KCNMA1: variants seen among roughly 807,000 people sequenced by gnomAD.
The protein encoded by KCNMA1 is potassium calcium-activated channel subfamily M alpha 1, also known as Calcium-activated potassium channel subunit alpha-1.
In KCNMA1, 29 loss-of-function variants were observed where a neutral mutation model predicts 140.0. The ratio of observed to expected loss-of-function variants is 0.21; its 90% CI spans 0.15 to 0.28. The LOEUF is 0.28. Among genes scored for constraint, KCNMA1 ranks in the 10% least tolerant of loss-of-function variants. The pLI is 1.00. For missense variants in KCNMA1, 880 were observed against 1,602.2 expected (o/e 0.55, Z 7.70); for synonymous variants, 612 against 611.9 (o/e 1.00, Z 0.00).
intron 23 of KCNMA1, among the ~76,000 whole-genome samples, chr10:76,938,049 GC>G (rs1423696736): frequency 2.6e-5 from 4 of 152,046 alleles, no homozygotes; most frequent in African/African-American, 9.7e-5. Flanking sequence ...GACAGGCTCA[GC>G]TTTTGGTTCT....
chr10:77,016,451 T>C (rs1326695368), intron 17 of KCNMA1, among the ~76,000 whole-genome samples: 32 of 152,224 alleles, frequency 2.1e-4, no homozygotes, highest in Admixed American at 2.0e-3. Context: ...AAACGACTTA[T>C]ACACATTTGA....
At chr10:76,921,334 T>G (rs116155375) in intron 23 of KCNMA1, among the ~76,000 whole-genome samples, 128 of 152,238 alleles carry the variant, frequency 8.4e-4, no homozygotes, top group African/African-American at 2.9e-3. Context: ...GAGAAACATC[T>G]CATATTACAT....
intron 20 of KCNMA1, among the ~76,000 whole-genome samples, chr10:76,954,696 C>T (rs915302607): frequency 2.0e-5 from 3 of 152,186 alleles, no homozygotes; most frequent in African/African-American, 7.2e-5. Flanking sequence ...CCAACTGCTG[C>T]ATATCTTAGA....
At chr10:77,052,421 T>C (rs1385586034) in intron 14 of KCNMA1, among the ~76,000 whole-genome samples, 1 of 152,126 alleles carries the variant, frequency 6.6e-6, no homozygotes, top group African/African-American at 2.4e-5. Flanking sequence ...CCTGGCTTTC[T>C]GAAAGGAGCC....
intron 9 of KCNMA1, among the ~76,000 whole-genome samples, chr10:77,094,776 T>C (rs919460947): frequency 6.6e-6 from 1 of 152,010 alleles, no homozygotes; most frequent in African/African-American, 2.4e-5. Flanking sequence ...TCAGAGGTAA[T>C]TGCAGCCTTG....
intron 14 of KCNMA1, among the ~76,000 whole-genome samples, chr10:77,051,942 C>A (rs558923193): frequency 5.3e-4 from 80 of 152,296 alleles, no homozygotes; most frequent in African/African-American, 1.9e-3. Context: ...TCTAACCATA[C>A]TAAGAGATGG....
intron 20 of KCNMA1, among the ~76,000 whole-genome samples, chr10:76,955,118 C>A (rs1301855484): frequency 1.3e-5 from 2 of 151,954 alleles, no homozygotes; most frequent in South Asian, 2.1e-4. Flanking sequence ...TACATCGGGT[C>A]ACATTCCATA....
intron 5 of KCNMA1, among the ~76,000 whole-genome samples, chr10:77,167,916 C>T (rs1283231840): frequency 6.6e-6 from 1 of 152,072 alleles, no homozygotes; most frequent in Non-Finnish European, 1.5e-5. Flanking sequence ...CTCCAGGACT[C>T]AAGCGATCCT....
rs2036362008 is a variant in KCNMA1, at chr10:76,885,250, T to C, written c.*2016A>G. The C allele has an allele frequency of 2.0e-6, 1 of 509,418 alleles. No homozygotes were observed. The highest frequency in any genetic ancestry group is 8.7e-5 in the South Asian group (1 of 11,510). The allele number at this position is 509,418 out of a possible 1,614,324, so 31.6% of individuals were successfully genotyped here. A position where few individuals can be genotyped will look rare whatever the true frequency, so the allele number is the denominator to read the frequency against. On this transcript the variant is annotated 3_prime_UTR_variant, in exon 28 of 28. Transcript: ENST00000286628. ...ATATAATTATATAGTTATATATATA[T>C]AATTATATATAGTTTATATAAAGAG...
intron 2 of KCNMA1, among the ~76,000 whole-genome samples, chr10:77,331,951 T>C (rs2086600605): frequency 6.6e-6 from 1 of 152,140 alleles, no homozygotes; most frequent in African/African-American, 2.4e-5. Context: ...TTCCTTTTTG[T>C]CTATAATTAA....
intron 1 of KCNMA1, among the ~76,000 whole-genome samples, chr10:77,457,145 T>G (rs1400025006): frequency 1.3e-5 from 2 of 152,118 alleles, no homozygotes; most frequent in Non-Finnish European, 1.5e-5. Flanking sequence ...AGCCTCTCAC[T>G]TAAAGGCTCT....
chr10:76,878,134 G>A (rs184133168), intron 29 of KCNMA1, among the ~76,000 whole-genome samples: 36 of 152,252 alleles, frequency 2.4e-4, no homozygotes, highest in East Asian at 2.1e-3. Context: ...CACCATGGGC[G>A]GACCTCAGAG....
chr10:77,276,299 G>T lies in KCNMA1; in HGVS notation c.541-25043C>A, dbSNP rs75055100. On this transcript the variant is annotated intron_variant, in intron 2 of 27. Coordinates refer to ENST00000286628, the MANE Select transcript of KCNMA1 (RefSeq NM_001161352.2). ...ATCTGCTCTGGAAGTTCCTGCAGGGGCCTGCTAACAGGTAGATGCCTAGGC... is the reference window on the plus strand; with the variant it reads ...ATCTGCTCTGGAAGTTCCTGCAGGGTCCTGCTAACAGGTAGATGCCTAGGC... Among the ~76,000 whole-genome samples the T allele has an allele frequency of 1.1e-3, 165 of 152,314 alleles. No homozygotes were observed. The East Asian group carries it at 0.024, about 22-fold the overall frequency.
intron 14 of KCNMA1, among the ~76,000 whole-genome samples, chr10:77,053,881 A>T (rs1479790965): frequency 6.6e-6 from 1 of 152,132 alleles, no homozygotes; most frequent in East Asian, 1.9e-4. Flanking sequence ...TTTTTTTTAC[A>T]GCAGGTAAAT....
At chr10:76,994,231 T>C (rs1049273004) in intron 19 of KCNMA1, among the ~76,000 whole-genome samples, 1 of 152,346 alleles carries the variant, frequency 6.6e-6, no homozygotes, top group African/African-American at 2.4e-5. Flanking sequence ...TGCAGATGTC[T>C]CAGGTTATAG....
At chr10:77,387,583 TTC>T (rs1255182021) in intron 2 of KCNMA1, among the ~76,000 whole-genome samples, 1 of 149,080 alleles carries the variant, frequency 6.7e-6, no homozygotes, top group Non-Finnish European at 1.5e-5. Context: ...TTTTTTTCTT[TTC>T]TCTTTTCTTT....
At chr10:77,132,401 A>C (rs1442422146) in intron 5 of KCNMA1, among the ~76,000 whole-genome samples, 1 of 152,188 alleles carries the variant, frequency 6.6e-6, no homozygotes, top group Non-Finnish European at 1.5e-5. Context: ...GAGCTGCCAG[A>C]AGGAAAAAAT....
chr10:77,027,170 C>A (rs1024251632), intron 16 of KCNMA1, among the ~76,000 whole-genome samples: 4 of 152,198 alleles, frequency 2.6e-5, no homozygotes, highest in African/African-American at 9.6e-5. Context: ...TGCTTCCCAC[C>A]TCCAGTGTGA....
intron 3 of KCNMA1, among the ~76,000 whole-genome samples, chr10:77,213,102 A>G (rs2046610041): frequency 6.6e-6 from 1 of 152,136 alleles, no homozygotes. Flanking sequence ...TGAAAGACTG[A>G]GTAATTACAT....
Sources: allele counts gnomAD v4.1 joint callset (sites outside exome capture counted in the v4.1 genomes callset), GRCh38; gene constraint gnomAD v4.1.1; transcripts MANE v1.5; gene names NCBI Gene and HGNC (gene_info 2026-07-23, HGNC 2026-07-21).